The following POPDC1 variants were observed in gnomAD, a reference collection of about 807,000 sequenced individuals.
POPDC1 encodes popeye domain cAMP effector 1.
At chr6:105,123,515 C>A in the POPDC1 span, among the ~76,000 whole-genome samples, 1 of 152,064 alleles carries the variant, frequency 6.6e-6, no homozygotes. Context: ...ATTCTCCTGC[C>A]TCAGCCTCCC....
the POPDC1 span, among the ~76,000 whole-genome samples, chr6:105,129,079 C>G: frequency 0.059 from 8,925 of 152,070 alleles, 441 homozygotes; most frequent in African/African-American, 0.13. Flanking sequence ...ATGATATTTC[C>G]AGGTTAACAT....
the POPDC1 span, among the ~76,000 whole-genome samples, chr6:105,117,357 G>A: frequency 7.9e-5 from 10 of 127,374 alleles, no homozygotes; most frequent in Non-Finnish European, 1.2e-4. Flanking sequence ...AAGGGCCCTC[G>A]GCTGTTGCTG....
the POPDC1 span, among the ~76,000 whole-genome samples, chr6:105,119,096 A>C: frequency 6.6e-6 from 1 of 151,396 alleles, no homozygotes; most frequent in African/African-American, 2.4e-5. Context: ...GAGGCACAAG[A>C]ATCCCTTGAA....
At chr6:105,115,440 G>A in the POPDC1 span, among the ~76,000 whole-genome samples, 1 of 152,198 alleles carries the variant, frequency 6.6e-6, no homozygotes. Context: ...TTTAAGCAAA[G>A]TATATGGCAA....
At chr6:105,124,570 T>A in the POPDC1 span, 14 of 1,609,860 alleles carry the variant, frequency 8.7e-6, no homozygotes, top group Non-Finnish European at 1.0e-5. Context: ...CCTTTGTGCA[T>A]CTGAGTTGAT....
At chr6:105,128,956 T>C in the POPDC1 span, among the ~76,000 whole-genome samples, 1 of 152,134 alleles carries the variant, frequency 6.6e-6, no homozygotes, top group Non-Finnish European at 1.5e-5. Flanking sequence ...AGATGAATAT[T>C]TTGGGCATTA....
chr6:105,131,966 CTTTTT>C, the POPDC1 span, among the ~76,000 whole-genome samples: 1 of 136,156 alleles, frequency 7.3e-6, no homozygotes. Context: ...TCATTTATCA[CTTTTT>C]TTTTTTTTTT....
the POPDC1 span, chr6:105,124,636 C>G: frequency 6.2e-7 from 1 of 1,607,450 alleles, no homozygotes; most frequent in Non-Finnish European, 8.5e-7. Flanking sequence ...AGAAAATGTC[C>G]TCGATAGGAG....
At chr6:105,108,003 T>C in the POPDC1 span, among the ~76,000 whole-genome samples, 3 of 152,094 alleles carry the variant, frequency 2.0e-5, no homozygotes, top group African/African-American at 7.2e-5. Flanking sequence ...CGTACAAAAT[T>C]AGGGCAAATG....
At chr6:105,124,432 T>C in the POPDC1 span, 2,298 of 702,164 alleles carry the variant, frequency 3.3e-3, 45 homozygotes, top group African/African-American at 0.038. Context: ...ATATGCCCTA[T>C]GGTAACTTGT....
the POPDC1 span, among the ~76,000 whole-genome samples, chr6:105,132,700 A>C: frequency 1.3e-5 from 2 of 152,228 alleles, no homozygotes; most frequent in Non-Finnish European, 2.9e-5. Context: ...CTAATATAAC[A>C]GATTCAATTG....
At chr6:105,122,582 C>G in the POPDC1 span, among the ~76,000 whole-genome samples, 1 of 152,120 alleles carries the variant, frequency 6.6e-6, no homozygotes, top group Admixed American at 6.6e-5. Flanking sequence ...TCCTCAAATC[C>G]CAGTCTCTTC....
the POPDC1 span, chr6:105,100,706 A>G: frequency 6.5e-6 from 1 of 153,578 alleles, no homozygotes; most frequent in East Asian, 1.9e-4. Context: ...CAAATGGACA[A>G]CCTCATTGCT....
the POPDC1 span, among the ~76,000 whole-genome samples, chr6:105,105,098 T>C: frequency 6.6e-6 from 1 of 152,190 alleles, no homozygotes; most frequent in East Asian, 1.9e-4. Flanking sequence ...CAGGGAGTCC[T>C]AAGGGCCTGG....
the POPDC1 span, among the ~76,000 whole-genome samples, chr6:105,109,763 C>CCAAAAAAAAAAAAAAAAAAAA: frequency 4.4e-5 from 1 of 22,866 alleles, no homozygotes; most frequent in Non-Finnish European, 1.1e-4. Flanking sequence ...GACCCTTTCT[C>CCAAAAAAAAAAAAAAAAAAAA]AAAAAAAAAA....
At chr6:105,116,643 A>G in the POPDC1 span, 4 of 1,354,126 alleles carry the variant, frequency 3.0e-6, no homozygotes, top group Middle Eastern at 2.6e-4. Context: ...TATTTCATAA[A>G]GTGAAATATA....
chr6:105,108,941 G>T, the POPDC1 span, among the ~76,000 whole-genome samples: 1 of 152,254 alleles, frequency 6.6e-6, no homozygotes, highest in East Asian at 1.9e-4. Flanking sequence ...AGAAAGTAGG[G>T]ATGCTAATGT....
chr6:105,111,983 A>C, the POPDC1 span, among the ~76,000 whole-genome samples: 1 of 152,180 alleles, frequency 6.6e-6, no homozygotes, highest in Non-Finnish European at 1.5e-5. Flanking sequence ...AGAACACCAT[A>C]ATCACCACCA....
chr6:105,102,157 C>G, the POPDC1 span, among the ~76,000 whole-genome samples: 62 of 152,280 alleles, frequency 4.1e-4, no homozygotes, highest in African/African-American at 1.5e-3. Flanking sequence ...TTCCGGCAGC[C>G]CACAAATGCT....
Sources: allele counts gnomAD v4.1 joint callset (sites outside exome capture counted in the v4.1 genomes callset), GRCh38; gene constraint gnomAD v4.1.1; transcripts MANE v1.5; gene names NCBI Gene and HGNC (gene_info 2026-07-23, HGNC 2026-07-21).